The following STK32B variants were observed in gnomAD, a reference collection of about 807,000 sequenced individuals.
STK32B encodes serine/threonine kinase 32B.
In STK32B, 43 loss-of-function variants were observed where a neutral mutation model predicts 52.6. The ratio of observed to expected loss-of-function variants is 0.82; its 90% CI spans 0.64 to 1.05. The LOEUF (loss-of-function observed/expected upper bound fraction) is 1.05, where lower values mean the gene tolerates loss of function less well. Among genes scored for constraint, STK32B ranks in the 50% least tolerant of loss-of-function variants. STK32B has a pLI of 0.00. For missense variants in STK32B, 621 were observed against 534.6 expected (o/e 1.16, Z -1.59); for synonymous variants, 238 against 204.3 (o/e 1.17, Z -1.41).
chr4:5,347,473 A>G (rs1180863483), intron 4 of STK32B, among the ~76,000 whole-genome samples: 1 of 152,206 alleles, frequency 6.6e-6, no homozygotes, highest in Admixed American at 6.5e-5. Flanking sequence ...ATCTGCCATT[A>G]TTGAGATGGA....
intron 7 of STK32B, among the ~76,000 whole-genome samples, chr4:5,456,105 C>A (rs1002241189): frequency 2.0e-5 from 3 of 152,166 alleles, no homozygotes; most frequent in Non-Finnish European, 4.4e-5. Context: ...CACTCCAAGC[C>A]TTGTCCCCAG....
intron 1 of STK32B, among the ~76,000 whole-genome samples, chr4:5,081,945 T>C (rs1286271822): frequency 6.6e-6 from 1 of 151,998 alleles, no homozygotes. Flanking sequence ...TTTTCTTAAA[T>C]TTGTTTGTTT....
intron 4 of STK32B, among the ~76,000 whole-genome samples, chr4:5,384,223 G>A (rs568050990): frequency 3.5e-4 from 53 of 152,266 alleles, no homozygotes; most frequent in Non-Finnish European, 5.6e-4. Flanking sequence ...GAGAAGTCCC[G>A]AGAAGGGTGT....
chr4:5,481,609 T>G (rs915107931), intron 11 of STK32B, among the ~76,000 whole-genome samples: 3 of 152,236 alleles, frequency 2.0e-5, no homozygotes, highest in East Asian at 3.8e-4. Context: ...TTTGTCAATT[T>G]TGGCTTTTGT....
intron 6 of STK32B, among the ~76,000 whole-genome samples, chr4:5,438,650 G>C (rs568070591): frequency 2.0e-4 from 30 of 152,244 alleles, no homozygotes; most frequent in Non-Finnish European, 3.5e-4. Context: ...TGTGCACATT[G>C]TGCAGGTTAG....
intron 7 of STK32B, 67 bp from the exon 8 acceptor site, chr4:5,456,740 C>A (rs1716555363): frequency 2.2e-6 from 3 of 1,349,276 alleles, no homozygotes; most frequent in Admixed American, 2.1e-5. Flanking sequence ...ATCATACAAT[C>A]TTAAAATGCG....
intron 11 of STK32B, among the ~76,000 whole-genome samples, chr4:5,497,465 A>C (rs560156666): frequency 6.6e-6 from 1 of 152,340 alleles, no homozygotes; most frequent in South Asian, 2.1e-4. Context: ...GTTCCTGCCC[A>C]GTCCACTAGG....
intron 3 of STK32B, among the ~76,000 whole-genome samples, chr4:5,218,091 T>C (rs949543972): frequency 2.6e-5 from 4 of 152,196 alleles, no homozygotes; most frequent in African/African-American, 9.7e-5. Context: ...TTAAATTGCT[T>C]ACATCTATAC....
At position 5,396,729 on chromosome 4, in the gene STK32B, T is replaced by C. The variant is rs114121171; in HGVS notation, c.435-1478T>C. On this transcript the variant is annotated intron_variant, in intron 4 of 11. Transcript: ENST00000282908. This position sits in a 1 kb window ranked among gnomAD's most constrained non-coding sequence, Gnocchi z 4.7. ...AGATAAGCTTGAACATTTGCTGCTG[T>C]GTTTTCATTCTTGACATGTATTTTA... Among the ~76,000 whole-genome samples, 1,851 of 152,332 alleles carry C rather than the reference T, an allele frequency of 0.012. 23 individuals are homozygous for C. The highest frequency in any genetic ancestry group is 0.057 in the South Asian group (275 of 4,824).
At chr4:5,173,626 C>G (rs1719576159) in intron 3 of STK32B, among the ~76,000 whole-genome samples, 1 of 152,174 alleles carries the variant, frequency 6.6e-6, no homozygotes, top group Non-Finnish European at 1.5e-5. Flanking sequence ...GAGTGAGTTT[C>G]TTAATCCTGA....
At chr4:5,063,505 G>A (rs981220653) in intron 1 of STK32B, among the ~76,000 whole-genome samples, 1 of 152,004 alleles carries the variant, frequency 6.6e-6, no homozygotes, top group Non-Finnish European at 1.5e-5. Context: ...ACCATGCCCA[G>A]CTAATTTTTG....
chr4:5,200,468 G>GGAA (rs1289822416), intron 3 of STK32B, among the ~76,000 whole-genome samples: 6 of 152,036 alleles, frequency 3.9e-5, no homozygotes, highest in Non-Finnish European at 8.8e-5. Context: ...AGGGAGTCGT[G>GGAA]GCTCCCAGTT....
At chr4:5,319,115 G>C (rs1383382658) in intron 3 of STK32B, among the ~76,000 whole-genome samples, 2 of 152,134 alleles carry the variant, frequency 1.3e-5, no homozygotes. Flanking sequence ...AAAATAGCAA[G>C]TATTTCTCAA....
At chr4:5,340,916 G>A (rs1733032984) in intron 4 of STK32B, among the ~76,000 whole-genome samples, 1 of 152,084 alleles carries the variant, frequency 6.6e-6, no homozygotes, top group South Asian at 2.1e-4. Flanking sequence ...GCAATAAAAT[G>A]AGCTAGGTAG....
At chr4:5,070,577 G>GGA in intron 1 of STK32B, among the ~76,000 whole-genome samples, 1 of 152,290 alleles carries the variant, frequency 6.6e-6, no homozygotes. Context: ...GATCTTACTT[G>GGA]GAGATACAGG....
intron 3 of STK32B, among the ~76,000 whole-genome samples, chr4:5,311,288 G>A (rs951629965): frequency 6.6e-6 from 1 of 152,106 alleles, no homozygotes; most frequent in Admixed American, 6.5e-5. Flanking sequence ...TAATTACTCT[G>A]ATTTTTATCA....
At chr4:5,272,705 A>G (rs1236448091) in intron 3 of STK32B, among the ~76,000 whole-genome samples, 2 of 151,412 alleles carry the variant, frequency 1.3e-5, no homozygotes, top group Non-Finnish European at 2.9e-5. Context: ...CAACTATCTG[A>G]TCTTTGACAA....
In STK32B at chr4:5,172,552, A is replaced by G. The variant is rs1437637597; in HGVS notation, c.260+4102A>G. Among the ~76,000 whole-genome samples the G allele has an allele frequency of 3.9e-5, 6 of 152,192 alleles. 1 individual carries two copies. Among genetic ancestry groups the G allele is most frequent in the Non-Finnish European group, 8.8e-5 (6 of 68,038 alleles). ...GAATTTTGTCAAAGGCCTTTTCTGC[A>G]TCTATTGAGATAACCATGTGGTTTT... is the stretch of plus-strand genomic sequence containing the variant. On this transcript the variant is annotated intron_variant, in intron 3 of 11. Transcript: ENST00000282908.
intron 3 of STK32B, among the ~76,000 whole-genome samples, chr4:5,260,892 A>G (rs1726667039): frequency 6.6e-6 from 1 of 152,144 alleles, no homozygotes. Flanking sequence ...GTGCAGTCTC[A>G]GTGAGGCTTC....
Sources: gnomAD v4.1 joint callset for allele counts (sites outside exome capture counted in the v4.1 genomes callset) on GRCh38, gnomAD v4.1.1 for gene constraint, Gnocchi (gnomAD v3.1) non-coding constraint, MANE v1.5 for transcripts, NCBI Gene and HGNC (gene_info 2026-07-23, HGNC 2026-07-21) for gene names.